The following DNAH6 variants were observed in gnomAD, a reference collection of about 807,000 sequenced individuals.
The protein encoded by DNAH6 is axonemal beta dynein heavy chain 6.
DNAH6 carries 340 observed loss-of-function variants against 491.4 expected under a neutral mutation model. The ratio of observed to expected loss-of-function variants is 0.69; its 90% CI spans 0.63 to 0.76. The LOEUF (loss-of-function observed/expected upper bound fraction) is 0.76, where lower values mean the gene tolerates loss of function less well. Among genes scored for constraint, DNAH6 ranks in the 30% least tolerant of loss-of-function variants. The pLI, the probability that DNAH6 is intolerant of heterozygous loss-of-function variation, is 0.00. For missense variants in DNAH6, 4,443 were observed against 4,972.2 expected (o/e 0.89, Z 3.20); for synonymous variants, 1,603 against 1,686.1 (o/e 0.95, Z 1.21).
At chr2:84,695,008 T>C (rs1455275592) in intron 46 of DNAH6, among the ~76,000 whole-genome samples, 1 of 152,170 alleles carries the variant, frequency 6.6e-6, no homozygotes, top group Non-Finnish European at 1.5e-5. Flanking sequence ...ATCTAGAAAT[T>C]AGCCAACGAA....
Position 84,673,807 on chromosome 2 carries a change from G to C in DNAH6, c.6612+1323G>C, listed in dbSNP as rs78730561. Among the ~76,000 whole-genome samples, 304 of 152,312 alleles carry C rather than the reference G, an allele frequency of 2.0e-3. 4 individuals are homozygous for C. In the East Asian group the frequency reaches 0.053, roughly 27 times the overall value. On this transcript the variant is annotated intron_variant, in intron 40 of 76. Transcript: ENST00000389394. Reference sequence around the variant, plus strand: ...AGCTGCATGGGCAGCTGATTAGATTGTGCCCACAATTAAGGGTTGGTTAAG... The same window carrying C: ...AGCTGCATGGGCAGCTGATTAGATTCTGCCCACAATTAAGGGTTGGTTAAG...
intron 18 of DNAH6, among the ~76,000 whole-genome samples, chr2:84,596,523 G>A (rs1259094850): frequency 2.0e-5 from 3 of 151,952 alleles, no homozygotes; most frequent in African/African-American, 4.8e-5. Flanking sequence ...TAGAGACAGG[G>A]TTTCACTATG....
chr2:84,472,206 C>T, the DNAH6 span, among the ~76,000 whole-genome samples: 1 of 151,664 alleles, frequency 6.6e-6, no homozygotes, highest in Non-Finnish European at 1.5e-5. Flanking sequence ...GGTCTCCTGC[C>T]TTCTGCTTGT....
At chr2:84,721,464 T>C (rs1318884685) in intron 59 of DNAH6, among the ~76,000 whole-genome samples, 3 of 152,178 alleles carry the variant, frequency 2.0e-5, no homozygotes, top group African/African-American at 4.8e-5. Context: ...TCTAGACTTA[T>C]ACTCTTTATT....
chr2:84,584,032 A>C lies in DNAH6; in HGVS notation c.2263A>C (p.Thr755Pro), dbSNP rs368997613. 4.3e-6 allele frequency: 7 copies of C among 1,613,988 alleles called. No individual in the cohort carries two copies. The highest frequency in any genetic ancestry group is 2.5e-6 in the Non-Finnish European group (3 of 1,180,008). Residue 755 changes from threonine to proline, a missense_variant, in exon 15 of 77, where the codon ACT becomes CCT. Physicochemically the swap from Thr to Pro is conservative, Grantham distance 38 (BLOSUM62 -1). Transcript: ENST00000389394. ...ESLEDEGNIV[T>P]QMYKLMEQYQ... ...CCTTGAAGATGAGGGGAATATAGTG[A>C]CTCAAATGTACAAGCTTATGGAACA...
chr2:84,810,028 A>G (rs1679812080), intron 72 of DNAH6, among the ~76,000 whole-genome samples: 1 of 152,092 alleles, frequency 6.6e-6, no homozygotes, highest in South Asian at 2.1e-4. Flanking sequence ...ACACCAGCTT[A>G]TGTCTTGCCC....
intron 33 of DNAH6, among the ~76,000 whole-genome samples, chr2:84,650,561 T>C (rs1464710152): frequency 2.0e-5 from 3 of 151,986 alleles, no homozygotes; most frequent in Non-Finnish European, 4.4e-5. Flanking sequence ...TCATAATGGG[T>C]CCTTAAAACA....
Position 84,785,591 on chromosome 2 carries a change from ATATTC to A in DNAH6, c.10954-15_10954-11del. ...TATAAAATCACTCTCTCTGCCACAT[ATATTC>A]TATCTAAATCCAGGTGACCAATGAG... On this transcript the variant is annotated splice_polypyrimidine_tract_variant and intron_variant, in intron 66 of 76. Coordinates refer to ENST00000389394, the MANE Select transcript of DNAH6 (RefSeq NM_001370.2). The A allele has an allele frequency of 6.6e-7, 1 of 1,512,548 alleles. No individual in the cohort carries two copies. Among genetic ancestry groups the A allele is most frequent in the East Asian group, 2.5e-5 (1 of 40,056 alleles). The allele number at this position is 1,512,548 out of a possible 1,614,324, so 93.7% of individuals were successfully genotyped here.
chr2:84,556,282 T>G (rs1044215614), intron 10 of DNAH6, among the ~76,000 whole-genome samples: 1 of 152,154 alleles, frequency 6.6e-6, no homozygotes, highest in African/African-American at 2.4e-5. Flanking sequence ...CCGGTCACAG[T>G]TTGGGTATTG....
chr2:84,706,863 C>T (rs1187396314), intron 52 of DNAH6, 33 bp from the exon 53 acceptor site: 3 of 1,516,730 alleles, frequency 2.0e-6, no homozygotes, highest in Non-Finnish European at 2.6e-6. Flanking sequence ...CTTTTTTTGG[C>T]CCTGTTCTTA....
At chr2:84,536,648 A>G (rs1303769562) in intron 4 of DNAH6, among the ~76,000 whole-genome samples, 1 of 152,038 alleles carries the variant, frequency 6.6e-6, no homozygotes, top group African/African-American at 2.4e-5. Flanking sequence ...CAAGGTATCC[A>G]AATTTTGACT....
At chr2:84,626,847 C>A (rs1239223858) in intron 29 of DNAH6, among the ~76,000 whole-genome samples, 1 of 152,160 alleles carries the variant, frequency 6.6e-6, no homozygotes, top group Admixed American at 6.6e-5. Flanking sequence ...ACCTCGTGAT[C>A]CACCCGCTTT....
At chr2:84,807,367 C>T (rs1679516863) in intron 71 of DNAH6, among the ~76,000 whole-genome samples, 1 of 152,182 alleles carries the variant, frequency 6.6e-6, no homozygotes, top group Non-Finnish European at 1.5e-5. Context: ...GCTGTTCCTT[C>T]CTCTTTCGTA....
In DNAH6 at chr2:84,550,052, A is replaced by G; in HGVS notation, c.1480A>G (p.Lys494Glu). The G allele has an allele frequency of 6.2e-7, 1 of 1,611,472 alleles. No homozygotes were observed. The highest frequency in any genetic ancestry group is 8.5e-7 in the Non-Finnish European group (1 of 1,178,416). ...TGAAGAGAAGCCTGAAGTCCCTGATAAAAAGGTATACTCACACAAAATTAA... is the reference window on the plus strand; with the variant it reads ...TGAAGAGAAGCCTGAAGTCCCTGATGAAAAGGTATACTCACACAAAATTAA... ...ITEEKPEVPDKKGTLMVEKQE... is the reference protein window; with the variant it reads ...ITEEKPEVPDEKGTLMVEKQE... The change falls in exon 9 of 77, where the codon AAA becomes GAA. Residue 494 changes from lysine (K) to glutamate (E), a missense_variant. By Grantham distance (56) the Lys-to-Glu change is moderately conservative. Coordinates refer to ENST00000389394, the MANE Select transcript of DNAH6 (RefSeq NM_001370.2).
At chr2:84,771,515 C>G (rs1391353864) in intron 64 of DNAH6, among the ~76,000 whole-genome samples, 1 of 152,028 alleles carries the variant, frequency 6.6e-6, no homozygotes, top group Non-Finnish European at 1.5e-5. Flanking sequence ...ACAGCTATAC[C>G]AAGACATGCT....
At chr2:84,574,511 T>C (rs1462264073) in intron 12 of DNAH6, among the ~76,000 whole-genome samples, 1 of 152,210 alleles carries the variant, frequency 6.6e-6, no homozygotes, top group Non-Finnish European at 1.5e-5. Flanking sequence ...GATCAGTCAT[T>C]GTATCTGATT....
chr2:84,705,806 C>G, intron 52 of DNAH6, 59 bp downstream of exon 52: 1 of 1,490,808 alleles, frequency 6.7e-7, no homozygotes, highest in African/African-American at 1.4e-5. Flanking sequence ...CCAGTCATTT[C>G]AAGTTCTCTG....
At chr2:84,679,014 G>A (rs961487727) in intron 41 of DNAH6, among the ~76,000 whole-genome samples, 8 of 152,048 alleles carry the variant, frequency 5.3e-5, no homozygotes, top group East Asian at 1.9e-4. Flanking sequence ...TTCATCACCC[G>A]TCTGTCCTGT....
intron 33 of DNAH6, among the ~76,000 whole-genome samples, chr2:84,647,826 A>T (rs1199626950): frequency 2.0e-5 from 3 of 152,230 alleles, no homozygotes; most frequent in Non-Finnish European, 4.4e-5. Flanking sequence ...TTCTGTTTTT[A>T]GTAGTGGTAT....
Sources: gnomAD v4.1 joint callset for allele counts (sites outside exome capture counted in the v4.1 genomes callset) on GRCh38, gnomAD v4.1.1 for gene constraint, MANE v1.5 for transcripts, NCBI Gene and HGNC (gene_info 2026-07-23, HGNC 2026-07-21) for gene names.